The following CSAD variants were observed in gnomAD, a reference collection of about 807,000 sequenced individuals.
CSAD encodes cysteine sulfinic acid decarboxylase.
A neutral mutation model predicts 61.5 loss-of-function variants in CSAD; 47 were observed. That is an observed-to-expected ratio of 0.76 (90% confidence interval 0.60 to 0.97). The LOEUF (loss-of-function observed/expected upper bound fraction) is 0.97. Ranked by LOEUF, CSAD falls within the 50% of genes least tolerant of loss-of-function variation. CSAD has a pLI of 0.00. For missense variants in CSAD, 611 were observed against 643.6 expected, an observed-to-expected ratio of 0.95 and a Z score of 0.55; for synonymous variants, 245 against 252.7, an observed-to-expected ratio of 0.97 and a Z score of 0.29.
At chr12:53,168,141 A>T (rs896293950) in intron 10 of CSAD, among the ~76,000 whole-genome samples, 5 of 152,268 alleles carry the variant, frequency 3.3e-5, no homozygotes, top group Non-Finnish European at 7.3e-5. Context: ...CATGCATAAT[A>T]TGATTCCAGA....
At chr12:53,159,581 T>A (rs774324340) in intron 16 of CSAD, 42 bp downstream of exon 16, 13 of 1,548,536 alleles carry the variant, frequency 8.4e-6, no homozygotes, top group Middle Eastern at 3.6e-4. Context: ...ATCAGTTGCA[T>A]CAGCTCCCTA....
In CSAD at chr12:53,179,137, G is replaced by C. The variant is rs1355201784; in HGVS notation, c.-85C>G. ...CAACGTGCTGGGATTACAGGTGTGA[G>C]CCACCCTGCCCGGAGCAAAAAGATA... On this transcript the variant is annotated 5_prime_UTR_variant, in exon 2 of 17. Transcript: ENST00000444623. The C allele has an allele frequency of 6.6e-6, 1 of 152,314 alleles. No homozygotes were observed. Among genetic ancestry groups the C allele is most frequent in the African/African-American group, 2.4e-5 (1 of 41,444 alleles). The allele number at this position is 152,314 out of a possible 1,614,324, so 9.4% of individuals were successfully genotyped here.
Position 53,173,488 on chromosome 12 carries a change from CAG to C in CSAD, c.-6-14_-6-13del. 1.9e-6 allele frequency: 3 copies of C among 1,614,184 alleles called. No homozygotes were observed. The highest frequency in any genetic ancestry group is 2.2e-5 in the East Asian group (1 of 44,880). ...TCAGCCATCAGGATCTGTGGCAGAG[CAG>C]AGTCATTCCCTACTCAGCCTGTCAA... On this transcript the variant is annotated splice_polypyrimidine_tract_variant and intron_variant, in intron 3 of 16. Transcript: ENST00000444623.
chr12:53,179,693 C>G, intron 1 of CSAD: 1 of 1,232,580 alleles, frequency 8.1e-7, no homozygotes, highest in Non-Finnish European at 1.2e-6. Context: ...GTTGAGAATC[C>G]TTGTCTTTTT....
intron 12 of CSAD, 92 bp downstream of exon 12, chr12:53,161,035 T>C (rs937253626): frequency 2.2e-6 from 3 of 1,359,532 alleles, no homozygotes; most frequent in Admixed American, 1.9e-5. Flanking sequence ...CTCAGCCTCC[T>C]ACCCCAGCCA....
At position 53,157,683 on chromosome 12, in the gene CSAD, T is replaced by C. The variant is rs1465463822; in HGVS notation, c.*828A>G. ...AAGAATGCAGTTGAAATTTTAACTTTATTATTTTCCTATTACAAAAGCAAC... is the reference window on the plus strand; with the variant it reads ...AAGAATGCAGTTGAAATTTTAACTTCATTATTTTCCTATTACAAAAGCAAC... On this transcript the variant is annotated 3_prime_UTR_variant, in exon 17 of 17. Transcript: ENST00000444623. The C allele has an allele frequency of 1.3e-5, 2 of 152,216 alleles. No individual in the cohort carries two copies. The highest frequency in any genetic ancestry group is 1.9e-4 in the East Asian group (1 of 5,202). The allele number at this position is 152,216 out of a possible 1,614,324, so 9.4% of individuals were successfully genotyped here. A position where few individuals can be genotyped will look rare whatever the true frequency, so the allele number is the denominator to read the frequency against.
At chr12:53,176,943 C>T (rs1410404161) in intron 2 of CSAD, among the ~76,000 whole-genome samples, 1 of 151,934 alleles carries the variant, frequency 6.6e-6, no homozygotes. Flanking sequence ...GTTGCCCAGG[C>T]TGGTCTTAAA....
At chr12:53,161,791 TA>T (rs1312369800) in intron 10 of CSAD, among the ~76,000 whole-genome samples, 6 of 151,638 alleles carry the variant, frequency 4.0e-5, no homozygotes, top group Non-Finnish European at 7.4e-5. Context: ...ACCCCATCTC[TA>T]AAAAAATTTT....
In CSAD at chr12:53,180,260, G is replaced by GA. The variant is rs66751981; in HGVS notation, c.-91+471dup. On this transcript the variant is annotated intron_variant, in intron 1 of 16. Transcript: ENST00000444623. The stretch of plus-strand genomic sequence containing the variant: ...GGCCTGACGGAAAAAATTCGGAGAA[G>GA]AACCACCTCGGCCGAGTTACGTGAA... The GA allele has an allele frequency of 3.0e-6, 3 of 985,236 alleles. No homozygotes were observed. In the African/African-American group the frequency reaches 5.2e-5, roughly 17 times the overall value. 61.0% of individuals were successfully genotyped at this position (985,236 alleles called of 1,614,324 possible).
Position 53,180,829 on chromosome 12 carries a change from G to T in CSAD, c.-188C>A. On this transcript the variant is annotated 5_prime_UTR_variant, in exon 1 of 17. Transcript: ENST00000444623. ...GGCCAGGGAGCCAGCGGGAGGCCGC[G>T]CCTGGCAGGTAGGAGCAAGCCCCAA... 7.9e-7 allele frequency: 1 copy of T among 1,271,376 alleles called. No homozygotes were observed. The highest frequency in any genetic ancestry group is 1.0e-6 in the Non-Finnish European group (1 of 981,930). The allele number at this position is 1,271,376 out of a possible 1,614,324, so 78.8% of individuals were successfully genotyped here.
At chr12:53,165,839 C>A (rs1376616911) in intron 10 of CSAD, among the ~76,000 whole-genome samples, 2 of 152,168 alleles carry the variant, frequency 1.3e-5, no homozygotes, top group African/African-American at 4.8e-5. Flanking sequence ...AATTCCACTT[C>A]TGAGTATACA....
At chr12:53,159,782 TC>T in intron 15 of CSAD, 70 bp from the exon 16 acceptor site, 1 of 1,525,152 alleles carries the variant, frequency 6.6e-7, no homozygotes, top group South Asian at 1.2e-5. Flanking sequence ...CCTGCCCCTT[TC>T]CCCTCTCCCT....
intron 12 of CSAD, 59 bp from the exon 13 acceptor site, chr12:53,160,903 C>G: frequency 2.1e-6 from 3 of 1,462,636 alleles, no homozygotes; most frequent in Non-Finnish European, 2.8e-6. Flanking sequence ...CCAACCAGAG[C>G]CCTTCCTCCT....
intron 10 of CSAD, among the ~76,000 whole-genome samples, chr12:53,168,236 G>A (rs1266851767): frequency 6.6e-6 from 1 of 152,148 alleles, no homozygotes; most frequent in East Asian, 1.9e-4. Context: ...ACAGAGGGAT[G>A]GCTAAAGGGT....
At chr12:53,169,878 G>A (rs999782778) in intron 10 of CSAD, among the ~76,000 whole-genome samples, 194 bp downstream of exon 10, 5 of 152,100 alleles carry the variant, frequency 3.3e-5, no homozygotes, top group African/African-American at 1.2e-4. Context: ...AATCCAACCC[G>A]GCGTAGGTGT....
At chr12:53,179,808 TCTC>T (rs749784497) in intron 1 of CSAD, 4 of 1,613,506 alleles carry the variant, frequency 2.5e-6, no homozygotes, top group East Asian at 4.5e-5. Flanking sequence ...GGAATTGACA[TCTC>T]CTTCCATCAA....
At chr12:53,179,282 A>C (rs1941367001) in intron 1 of CSAD, 140 bp from the exon 2 acceptor site, 1 of 155,330 alleles carries the variant, frequency 6.4e-6, no homozygotes, top group South Asian at 1.9e-4. Flanking sequence ...CAGTTTTTTA[A>C]ATGTTAGCTG....
At chr12:53,177,084 G>A (rs952509411) in intron 2 of CSAD, among the ~76,000 whole-genome samples, 5 of 152,152 alleles carry the variant, frequency 3.3e-5, no homozygotes, top group East Asian at 1.9e-4. Flanking sequence ...GTATTTTAGT[G>A]TTGGTTATAT....
At position 53,160,618 on chromosome 12, in the gene CSAD, T is replaced by C. The variant is rs1212860376; in HGVS notation, c.966+145A>G. 14 of 758,528 alleles carry C rather than the reference T, an allele frequency of 1.8e-5. No homozygotes were observed. In the Admixed American group the frequency reaches 3.1e-4, roughly 17 times the overall value. 47.0% of individuals were successfully genotyped at this position (758,528 alleles called of 1,614,324 possible). On this transcript the variant is annotated intron_variant, in intron 13 of 16. Coordinates refer to ENST00000444623, the MANE Select transcript of CSAD (RefSeq NM_001244705.2). ...CCACTGGGGGAGTGAAGGAGCCTAATACAGGTTAGGGTGGTAGCTGAGATG... is the reference window on the plus strand; with the variant it reads ...CCACTGGGGGAGTGAAGGAGCCTAACACAGGTTAGGGTGGTAGCTGAGATG...
Sources: allele counts gnomAD v4.1 joint callset (sites outside exome capture counted in the v4.1 genomes callset), GRCh38; gene constraint gnomAD v4.1.1; transcripts MANE v1.5; gene names NCBI Gene and HGNC (gene_info 2026-07-23, HGNC 2026-07-21).